The following HIVEP3 variants were observed in gnomAD, a reference collection of about 807,000 sequenced individuals.
The protein encoded by HIVEP3 is transcription factor HIVEP3.
A neutral mutation model predicts 152.8 loss-of-function variants in HIVEP3; 49 were observed. That is an observed-to-expected ratio of 0.32 (90% CI 0.26 to 0.41). The LOEUF (loss-of-function observed/expected upper bound fraction) is 0.41, where lower values mean the gene tolerates loss of function less well. Among genes scored for constraint, HIVEP3 ranks in the 10% least tolerant of loss-of-function variants. The pLI, the probability that HIVEP3 is intolerant of heterozygous loss-of-function variation, is 1.00. For synonymous variants in HIVEP3, 1,269 were observed against 1,289.0 expected, an observed-to-expected ratio of 0.98 and a Z score of 0.33; for missense variants, 2,790 against 3,103.3, an observed-to-expected ratio of 0.90 and a Z score of 2.40.
intron 2 of HIVEP3, among the ~76,000 whole-genome samples, chr1:41,643,886 T>C (rs1248262727): frequency 1.5e-5 from 1 of 65,462 alleles, no homozygotes; most frequent in Non-Finnish European, 2.6e-5. Context: ...TGCCTTCCCA[T>C]CCTCTTTTTT....
intron 1 of HIVEP3, among the ~76,000 whole-genome samples, chr1:41,840,735 C>T (rs754754803): frequency 7.2e-5 from 11 of 152,324 alleles, no homozygotes; most frequent in Non-Finnish European, 1.6e-4. Flanking sequence ...CAGATCCTGG[C>T]CGTGCCAGCC....
intron 3 of HIVEP3, among the ~76,000 whole-genome samples, chr1:41,598,427 T>A (rs1318978598): frequency 6.6e-6 from 1 of 152,138 alleles, no homozygotes; most frequent in Admixed American, 6.5e-5. Context: ...ACACACACTA[T>A]AAGATGAACC....
intron 2 of HIVEP3, among the ~76,000 whole-genome samples, chr1:41,691,766 T>C (rs1646201340): frequency 6.6e-6 from 1 of 152,250 alleles, no homozygotes; most frequent in African/African-American, 2.4e-5. Flanking sequence ...TAGATACAGT[T>C]GATCCTCTTT....
chr1:41,708,110 C>T (rs528517527), intron 1 of HIVEP3, among the ~76,000 whole-genome samples: 6 of 152,282 alleles, frequency 3.9e-5, no homozygotes, highest in Admixed American at 1.3e-4. Flanking sequence ...TAGAAGGATT[C>T]GATAGAATCC....
At chr1:41,690,052 G>A (rs1464778903) in intron 2 of HIVEP3, among the ~76,000 whole-genome samples, 1 of 152,194 alleles carries the variant, frequency 6.6e-6, no homozygotes, top group East Asian at 1.9e-4. Context: ...TTCCACATTT[G>A]TTCATTTATT....
At chr1:41,596,672 T>G (rs984653155) in intron 3 of HIVEP3, among the ~76,000 whole-genome samples, 4 of 152,190 alleles carry the variant, frequency 2.6e-5, no homozygotes, top group African/African-American at 9.7e-5. Context: ...ACATATTGAT[T>G]CTTACACATC....
intron 2 of HIVEP3, among the ~76,000 whole-genome samples, chr1:41,691,323 T>C (rs1482540701): frequency 6.6e-6 from 1 of 152,180 alleles, no homozygotes; most frequent in African/African-American, 2.4e-5. Flanking sequence ...ATTATCAGTA[T>C]AAAGAAGAAG....
intron 5 of HIVEP3, among the ~76,000 whole-genome samples, chr1:41,525,760 G>T (rs1308721495): frequency 6.6e-6 from 1 of 152,182 alleles, no homozygotes; most frequent in Non-Finnish European, 1.5e-5. Context: ...GGAAACCCAC[G>T]AGTCCCACAT....
At chr1:41,618,880 T>C (rs1157468440) in intron 3 of HIVEP3, among the ~76,000 whole-genome samples, 1 of 152,244 alleles carries the variant, frequency 6.6e-6, no homozygotes, top group African/African-American at 2.4e-5. Flanking sequence ...GCAAATCATG[T>C]TGGCTTGACC....
Position 41,583,050 on chromosome 1 carries a change from T to C in HIVEP3, c.1748A>G (p.His583Arg). 2 of 1,613,288 alleles carry C rather than the reference T, an allele frequency of 1.2e-6. No homozygotes were observed. Among genetic ancestry groups the C allele is most frequent in the Non-Finnish European group, 1.7e-6 (2 of 1,179,790 alleles). ...CGGCTGGCGCTTCAGCATCCGGGGGTGGGAGGTAAACACGTGACTGCTGTG... is the reference window on the plus strand; with the variant it reads ...CGGCTGGCGCTTCAGCATCCGGGGGCGGGAGGTAAACACGTGACTGCTGTG... ...LSHSSHVFTS[H>R]PRMLKRQPAI... The change falls in exon 4 of 9, where the codon CAC (histidine) becomes CGC (arginine). Residue 583 changes from histidine to arginine, a missense_variant. His to Arg is a conservative substitution (Grantham distance 29). Transcript: ENST00000372583. This position sits in a 1 kb window ranked among gnomAD's most constrained non-coding sequence, Gnocchi z 6.9.
intron 1 of HIVEP3, among the ~76,000 whole-genome samples, chr1:41,817,196 C>T (rs1338603242): frequency 2.6e-5 from 4 of 152,164 alleles, no homozygotes; most frequent in African/African-American, 4.8e-5. Context: ...TGATAAATGG[C>T]AAAGCTGAGA....
In HIVEP3 at chr1:41,581,699, C is replaced by T. The variant is rs41269475; in HGVS notation, c.3099G>A (p.Ala1033=). The change falls in exon 4 of 9, where the codon GCG becomes GCA. Residue 1033 remains alanine, a synonymous_variant. Coordinates refer to ENST00000372583, the MANE Select transcript of HIVEP3 (RefSeq NM_024503.5). This position sits in a 1 kb window ranked among gnomAD's most constrained non-coding sequence, Gnocchi z 4.5. ...PSAPAPVAPP[A]RVAPPERRKC... Reference sequence around the variant, plus strand: ...TTCTTCTCTCTGGCGGGGCCACCCGCGCTGGTGGAGCCACTGGGGCTGGAG... The same window carrying T: ...TTCTTCTCTCTGGCGGGGCCACCCGTGCTGGTGGAGCCACTGGGGCTGGAG... The T allele has an allele frequency of 1.4e-3, 2,196 of 1,613,490 alleles. 1 individual carries two copies. The highest frequency in any genetic ancestry group is 1.5e-3 in the Non-Finnish European group (1,724 of 1,179,736).
At chr1:41,920,586 T>TG (rs370761267), upstream of HIVEP3, among the ~76,000 whole-genome samples, 154 of 147,110 alleles carry the variant, frequency 1.0e-3, 1 homozygote, top group Non-Finnish European at 1.7e-3. Context: ...GGTTTTTTTT[T>TG]TTTTGTTTTG....
chr1:41,574,738 G>T (rs1644301985), intron 5 of HIVEP3, among the ~76,000 whole-genome samples: 1 of 152,150 alleles, frequency 6.6e-6, no homozygotes, highest in Admixed American at 6.5e-5. Flanking sequence ...GCAGGACCAG[G>T]CCACCCTGAT....
At chr1:41,572,075 G>A (rs1644258478) in intron 5 of HIVEP3, among the ~76,000 whole-genome samples, 1 of 152,210 alleles carries the variant, frequency 6.6e-6, no homozygotes, top group Non-Finnish European at 1.5e-5. Flanking sequence ...GAAGGGCTGG[G>A]TGTGTCATCT....
At chr1:41,730,308 C>T (rs552189190) in intron 1 of HIVEP3, among the ~76,000 whole-genome samples, 7 of 152,366 alleles carry the variant, frequency 4.6e-5, no homozygotes, top group African/African-American at 1.4e-4. Context: ...CACTTCTCCC[C>T]TCAAGCCTTG....
chr1:41,958,694 G>C (rs755530470), intron 1 of HIVEP3, among the ~76,000 whole-genome samples: 24 of 152,150 alleles, frequency 1.6e-4, no homozygotes, highest in Admixed American at 2.6e-4. Context: ...GGCTTGGCTT[G>C]GCTCACAGAT....
chr1:41,868,190 TG>T (rs1214483561), intron 1 of HIVEP3, among the ~76,000 whole-genome samples: 1 of 81,418 alleles, frequency 1.2e-5, no homozygotes, highest in Admixed American at 1.4e-4. Context: ...TATAATAGTT[TG>T]TGGGGGTTTT....
Position 41,580,837 on chromosome 1 carries a change from C to G in HIVEP3, c.3961G>C (p.Val1321Leu). ...PDTMVSLVVP[V>L]RVQTNMPSYG... ...GACGGCATATTGGTCTGAACACGGA[C>G]AGGCACAACCAGGGACACCATGGTG... The change falls in exon 4 of 9, where the codon GTC (valine) becomes CTC (leucine). Residue 1321 changes from valine (V) to leucine (L), a missense_variant. Transcript: ENST00000372583. 1.3e-6 allele frequency: 2 copies of G among 1,590,420 alleles called. No homozygotes were observed. Among genetic ancestry groups the G allele is most frequent in the Non-Finnish European group, 1.7e-6 (2 of 1,168,456 alleles).
Sources: allele counts gnomAD v4.1 joint callset (sites outside exome capture counted in the v4.1 genomes callset), GRCh38; gene constraint gnomAD v4.1.1; non-coding constraint Gnocchi (gnomAD v3.1); transcripts MANE v1.5; gene names NCBI Gene and HGNC (gene_info 2026-07-23, HGNC 2026-07-21).